The following APOL3 variants were observed in gnomAD, a reference collection of about 807,000 sequenced individuals.
APOL3 encodes the protein TNF-inducible protein CG12-1.
In APOL3, 14 loss-of-function variants were observed where a neutral mutation model predicts 11.6. The ratio of observed to expected loss-of-function variants is 1.21; its 90% CI spans 0.80 to 1.89. The LOEUF is 1.89. Among genes scored for constraint, APOL3 ranks in the 40% most tolerant of loss-of-function variants. The probability of loss-of-function intolerance (pLI) is 0.00; values close to 1 mark genes in which losing one functional copy is unlikely to be tolerated. For synonymous variants in APOL3, 192 were observed against 190.6 expected, an observed-to-expected ratio of 1.01 and a Z score of -0.06; for missense variants, 483 against 492.1, an observed-to-expected ratio of 0.98 and a Z score of 0.17.
chr22:36,165,232 A>T (rs959803490), upstream of APOL3: 2 of 152,008 alleles, frequency 1.3e-5, no homozygotes, highest in African/African-American at 4.8e-5. Flanking sequence ...CTGCCCAGAA[A>T]CTCTTCTTAA....
upstream of APOL3, among the ~76,000 whole-genome samples, chr22:36,161,855 AG>A (rs563681611): frequency 2.4e-4 from 25 of 105,284 alleles, no homozygotes; most frequent in South Asian, 9.0e-3. Flanking sequence ...GACGAGAAAA[AG>A]GTGGGGGGGT....
At chr22:36,153,720 G>A (rs1941237828) in intron 1 of APOL3, among the ~76,000 whole-genome samples, 1 of 152,206 alleles carries the variant, frequency 6.6e-6, no homozygotes, top group African/African-American at 2.4e-5. Context: ...TCTGAGACTG[G>A]TGTCAGTTAA....
At chr22:36,146,042 C>CA (rs2060205781) in intron 1 of APOL3, 1 of 152,666 alleles carries the variant, frequency 6.6e-6, no homozygotes, top group African/African-American at 2.4e-5. Flanking sequence ...CATACACCCC[C>CA]CACACTGGGA....
chr22:36,152,025 G>A (rs1387986614), intron 1 of APOL3, among the ~76,000 whole-genome samples: 3 of 151,974 alleles, frequency 2.0e-5, no homozygotes, highest in Non-Finnish European at 2.9e-5. Context: ...CATGGAGAGG[G>A]GATAAGGAAA....
intron 1 of APOL3, among the ~76,000 whole-genome samples, chr22:36,152,916 C>T (rs942053565): frequency 1.2e-4 from 19 of 152,150 alleles, no homozygotes; most frequent in African/African-American, 3.9e-4. Context: ...CGAGAGCAGC[C>T]TGACCAACAT....
upstream of APOL3, among the ~76,000 whole-genome samples, chr22:36,164,349 C>A (rs2013806033): frequency 6.6e-6 from 1 of 152,268 alleles, no homozygotes; most frequent in East Asian, 1.9e-4. Context: ...AGGGTCGAGC[C>A]CACAGTCAAT....
exon 3 of APOL3, chr22:36,140,521 G>C (rs1015364425): frequency 1.3e-5 from 2 of 152,276 alleles, no homozygotes; most frequent in Admixed American, 6.5e-5. Flanking sequence ...GGTTTTTAGA[G>C]ACACCTGGTC....
rs770419386 is a variant in APOL3, at chr22:36,141,339, A to T, written c.1070T>A (p.Val357Glu). The T allele has an allele frequency of 5.0e-6, 8 of 1,614,074 alleles. No homozygotes were observed. Among genetic ancestry groups the T allele is most frequent in the African/African-American group, 1.3e-5 (1 of 74,920 alleles). Residue 357 changes from valine (V) to glutamate (E), a missense_variant, in exon 3 of 3, where the codon GTA (valine) becomes GAA (glutamate). Coordinates refer to ENST00000349314, the Ensembl canonical transcript of APOL3. The stretch of plus-strand genomic sequence containing the variant: ...CTCATGCAAGTGCTTTGACTCGTAT[A>T]CAAGGTTGACCACATCCAGTGCAAG...
At chr22:36,160,581 G>T in intron 1 of APOL3, 88 bp downstream of exon 1, 2 of 1,390,236 alleles carry the variant, frequency 1.4e-6, no homozygotes, top group East Asian at 2.3e-5. Context: ...ACCTCTCTGA[G>T]CTCATCTACA....
intron 1 of APOL3, chr22:36,154,615 G>A (rs1231994817): frequency 6.4e-6 from 3 of 470,926 alleles, no homozygotes; most frequent in Non-Finnish European, 1.3e-5. Flanking sequence ...TCCCAGAAGG[G>A]CTGTGTTATT....
chr22:36,148,586 G>C (rs978113435), intron 1 of APOL3, among the ~76,000 whole-genome samples: 5 of 152,248 alleles, frequency 3.3e-5, no homozygotes, highest in Non-Finnish European at 7.3e-5. Flanking sequence ...AGAGCAGAGG[G>C]GCTGGTGCAG....
chr22:36,145,014 AAAAAAAAAAAAG>A (rs1047283901), intron 2 of APOL3, among the ~76,000 whole-genome samples: 5 of 130,058 alleles, frequency 3.8e-5, no homozygotes, highest in Non-Finnish European at 6.6e-5. Flanking sequence ...TGTCTCAAAA[AAAAAAAAAAAAG>A]AAAAAAAAAG....
At chr22:36,156,906 T>C in intron 1 of APOL3, 1 of 455,466 alleles carries the variant, frequency 2.2e-6, no homozygotes, top group Non-Finnish European at 4.4e-6. Context: ...GAGGCAGCAC[T>C]TGGACTAAAA....
At chr22:36,159,664 C>T (rs746832198) in intron 1 of APOL3, 1 of 152,180 alleles carries the variant, frequency 6.6e-6, no homozygotes, top group Non-Finnish European at 1.5e-5. Flanking sequence ...CTTCTTTCTT[C>T]TCTATCACCC....
At chr22:36,161,771 AG>A (rs997589732), upstream of APOL3, among the ~76,000 whole-genome samples, 1 of 88,212 alleles carries the variant, frequency 1.1e-5, no homozygotes, top group African/African-American at 3.7e-5. Flanking sequence ...AGAAGGGGTC[AG>A]GGGGTTCCTT....
At chr22:36,156,938 T>C (rs2146881356) in intron 1 of APOL3, 1 of 456,258 alleles carries the variant, frequency 2.2e-6, no homozygotes, top group South Asian at 1.5e-5. Context: ...CTGGACAACA[T>C]GGCCCAGCTT....
In APOL3 at chr22:36,157,914, G is replaced by A. The variant is rs901916365; in HGVS notation, c.223+2755C>T. ...AAAATATCAAAATTTGCCAGGTGTG[G>A]AGGCACGCGCCTGTAGTCCTAGCTA... On this transcript the variant is annotated intron_variant, in intron 1 of 2. Transcript: ENST00000349314. Among the ~76,000 whole-genome samples, 9 of 152,170 alleles carry A rather than the reference G, an allele frequency of 5.9e-5. No homozygotes were observed. In the South Asian group the frequency reaches 8.3e-4, roughly 14 times the overall value.
intron 1 of APOL3, chr22:36,159,737 A>G (rs2013479280): frequency 6.6e-6 from 1 of 152,180 alleles, no homozygotes; most frequent in Admixed American, 6.5e-5. Flanking sequence ...TACCTGCTCA[A>G]CTTCCTGACA....
chr22:36,141,547 T>C, exon 3 of APOL3: 1 of 1,614,222 alleles, frequency 6.2e-7, no homozygotes, highest in Non-Finnish European at 8.5e-7. Flanking sequence ...ATGGTTTGTG[T>C]GGCTTCGTAA....
Sources: gnomAD v4.1 joint callset for allele counts (sites outside exome capture counted in the v4.1 genomes callset) on GRCh38, gnomAD v4.1.1 for gene constraint, MANE v1.5 for transcripts, NCBI Gene and HGNC (gene_info 2026-07-23, HGNC 2026-07-21) for gene names.